TTC7A: variants seen among roughly 807,000 people sequenced by gnomAD.
The protein encoded by TTC7A is tetratricopeptide repeat protein 7A.
Under a neutral mutation model 103.7 loss-of-function variants are expected in TTC7A, and 110 were observed. That is an observed-to-expected ratio of 1.06 (90% CI 0.91 to 1.24). The LOEUF (loss-of-function observed/expected upper bound fraction) is 1.24, where lower values mean the gene tolerates loss of function less well. TTC7A is among the 50% of genes most tolerant of loss of function. TTC7A has a pLI of 0.00. For synonymous variants in TTC7A, 521 were observed against 467.9 expected, an observed-to-expected ratio of 1.11 and a Z score of -1.47; for missense variants, 1,340 against 1,116.3, an observed-to-expected ratio of 1.20 and a Z score of -2.86.
At chr2:46,983,134 T>A (rs1381349708) in intron 5 of TTC7A, among the ~76,000 whole-genome samples, 1 of 152,124 alleles carries the variant, frequency 6.6e-6, no homozygotes, top group Non-Finnish European at 1.5e-5. Flanking sequence ...ATTTCTCAAG[T>A]GGTAGGCCAG....
intron 18 of TTC7A, among the ~76,000 whole-genome samples, chr2:47,055,144 A>AT (rs1683213385): frequency 6.6e-6 from 1 of 152,050 alleles, no homozygotes. Context: ...TACAATCAGC[A>AT]TCCCCCCGCC....
intron 5 of TTC7A, among the ~76,000 whole-genome samples, chr2:46,984,661 C>T (rs1674822269): frequency 6.6e-6 from 1 of 152,086 alleles, no homozygotes; most frequent in Admixed American, 6.5e-5. Flanking sequence ...GGGAGAGAGA[C>T]CAGTGGCAGT....
At chr2:46,964,081 A>G (rs539929922) in intron 3 of TTC7A, among the ~76,000 whole-genome samples, 31 of 152,328 alleles carry the variant, frequency 2.0e-4, no homozygotes, top group African/African-American at 7.0e-4. Context: ...CAGTAGTTGC[A>G]GGGTCAGGCT....
chr2:47,068,490 C>T (rs567826498), intron 19 of TTC7A: 20 of 152,120 alleles, frequency 1.3e-4, no homozygotes, highest in African/African-American at 3.9e-4. Context: ...TCTGTGACCT[C>T]TGATGAGATG....
intron 3 of TTC7A, among the ~76,000 whole-genome samples, chr2:46,961,834 G>A (rs1672406880): frequency 6.6e-6 from 1 of 151,438 alleles, no homozygotes; most frequent in Non-Finnish European, 1.5e-5. Context: ...GCTTGAACCT[G>A]GGAGGCGGAG....
chr2:46,955,767 C>G (rs1671800725), intron 2 of TTC7A, among the ~76,000 whole-genome samples: 1 of 152,214 alleles, frequency 6.6e-6, no homozygotes, highest in Admixed American at 6.5e-5. Context: ...ACCCCAGACT[C>G]TTACCTCCCT....
intron 15 of TTC7A, among the ~76,000 whole-genome samples, chr2:47,042,961 C>T (rs1245843208): frequency 6.6e-6 from 1 of 152,200 alleles, no homozygotes; most frequent in Non-Finnish European, 1.5e-5. Flanking sequence ...CCCCCAGCTT[C>T]CCCCAGGAGT....
Position 46,921,440 on chromosome 2 carries a change from A to T in TTC7A, c.82+4163A>T, listed in dbSNP as rs182047827. 1.1e-4 allele frequency among the ~76,000 whole-genome samples: 17 copies of T among 152,330 alleles called. No homozygotes were observed. In the East Asian group the frequency reaches 3.3e-3, roughly 29 times the overall value. Reference sequence around the variant, plus strand: ...CATGAAATACTCAGGGGCAAGTCTAATTCAGTTATTGAAAGCATACTTTGT... The same window carrying T: ...CATGAAATACTCAGGGGCAAGTCTATTTCAGTTATTGAAAGCATACTTTGT... On this transcript the variant is annotated intron_variant, in intron 2 of 20. Transcript: ENST00000409245.
intron 18 of TTC7A, among the ~76,000 whole-genome samples, chr2:47,059,869 T>C (rs1473209512): frequency 6.6e-6 from 1 of 152,130 alleles, no homozygotes; most frequent in African/African-American, 2.4e-5. Flanking sequence ...GTAATAAAAG[T>C]ACTTGTGCAA....
chr2:46,948,123 C>G (rs1222590730), intron 1 of TTC7A, among the ~76,000 whole-genome samples: 1 of 152,164 alleles, frequency 6.6e-6, no homozygotes, highest in Non-Finnish European at 1.5e-5. Flanking sequence ...CACGGTGGCC[C>G]AAGGGCACGG....
At chr2:46,972,331 G>T (rs988288992) in intron 3 of TTC7A, among the ~76,000 whole-genome samples, 3 of 151,582 alleles carry the variant, frequency 2.0e-5, no homozygotes, top group Non-Finnish European at 4.4e-5. Context: ...TTTGTTTTTG[G>T]CCTTGAAGCT....
chr2:46,949,634 G>A (rs1671233573), intron 1 of TTC7A, among the ~76,000 whole-genome samples: 1 of 152,194 alleles, frequency 6.6e-6, no homozygotes, highest in African/African-American at 2.4e-5. Flanking sequence ...AGAAAATGCA[G>A]GTATTCAACA....
At chr2:46,982,664 C>T (rs1156934567) in intron 5 of TTC7A, among the ~76,000 whole-genome samples, 1 of 152,194 alleles carries the variant, frequency 6.6e-6, no homozygotes. Flanking sequence ...CACCCATCCA[C>T]CAGGGTGCCT....
intron 2 of TTC7A, chr2:46,951,649 G>C (rs1408842899): frequency 2.2e-6 from 1 of 456,202 alleles, no homozygotes; most frequent in Admixed American, 2.3e-5. Context: ...GGGCTCAAGC[G>C]ATCCTCCTAC....
At chr2:47,022,306 T>C (rs1465448851) in intron 12 of TTC7A, among the ~76,000 whole-genome samples, 2 of 152,212 alleles carry the variant, frequency 1.3e-5, no homozygotes, top group East Asian at 3.9e-4. Context: ...TTCCTGTCTG[T>C]AATGCGCCAT....
intron 11 of TTC7A, among the ~76,000 whole-genome samples, chr2:47,015,481 A>T (rs1678543068): frequency 1.3e-5 from 2 of 152,204 alleles, no homozygotes; most frequent in African/African-American, 4.8e-5. Flanking sequence ...GGAGGCAGAG[A>T]TGGTAGAGTT....
chr2:47,017,182 A>G (rs976213332), intron 11 of TTC7A, among the ~76,000 whole-genome samples: 1 of 140,596 alleles, frequency 7.1e-6, no homozygotes, highest in Non-Finnish European at 1.5e-5. Context: ...CCTGGGCAAC[A>G]AGAGCGACAC....
At chr2:47,061,008 C>T (rs1243390986) in intron 19 of TTC7A, 37 bp downstream of exon 19, 3 of 1,545,900 alleles carry the variant, frequency 1.9e-6, no homozygotes, top group Non-Finnish European at 2.6e-6. Context: ...CCACCTCCTC[C>T]CACAGCCTCA....
At chr2:47,049,470 C>T (rs764548175) in intron 16 of TTC7A, among the ~76,000 whole-genome samples, 3 of 152,022 alleles carry the variant, frequency 2.0e-5, no homozygotes, top group Non-Finnish European at 2.9e-5. Context: ...TCCGCTGGCT[C>T]TTCTGGGGAC....
Sources: allele counts gnomAD v4.1 joint callset (sites outside exome capture counted in the v4.1 genomes callset), GRCh38; gene constraint gnomAD v4.1.1; transcripts MANE v1.5; gene names NCBI Gene and HGNC (gene_info 2026-07-23, HGNC 2026-07-21).